The following ITGAE variants were observed in gnomAD, a reference collection of about 807,000 sequenced individuals.
ITGAE encodes the protein integrin alpha-E.
A neutral mutation model predicts 136.5 loss-of-function variants in ITGAE; 99 were observed. The observed-to-expected ratio is 0.73, with a 90% CI of 0.62 to 0.86. The LOEUF is 0.86. Ranked by LOEUF, ITGAE falls within the 40% of genes least tolerant of loss-of-function variation. The pLI is 0.00. For synonymous variants in ITGAE, 613 were observed against 591.8 expected (o/e 1.04, Z -0.52); for missense variants, 1,447 against 1,515.3 (o/e 0.95, Z 0.75).
At chr17:3,800,969 T>C (rs1256381538) in intron 1 of ITGAE, 142 bp downstream of exon 1, 11 of 974,862 alleles carry the variant, frequency 1.1e-5, no homozygotes, top group Non-Finnish European at 1.6e-5. Flanking sequence ...GCAAGACTCC[T>C]TTCCTGGAGG....
At chr17:3,747,556 G>C (rs765849611) in intron 17 of ITGAE, among the ~76,000 whole-genome samples, 39 of 151,888 alleles carry the variant, frequency 2.6e-4, no homozygotes, top group Admixed American at 1.1e-3. Context: ...TGATCTGCCC[G>C]CCTTGGCCTC....
chr17:3,744,815 T>C (rs905855545), intron 18 of ITGAE, among the ~76,000 whole-genome samples: 20 of 152,294 alleles, frequency 1.3e-4, no homozygotes, highest in African/African-American at 3.8e-4. Context: ...ATAAGGAGAT[T>C]GCTTAGCATA....
intron 1 of ITGAE, among the ~76,000 whole-genome samples, chr17:3,793,860 G>C (rs1273132525): frequency 6.6e-6 from 1 of 151,476 alleles, no homozygotes; most frequent in African/African-American, 2.4e-5. Flanking sequence ...TTGAGAATCT[G>C]ATGGAAGCAT....
Position 3,732,389 on chromosome 17 carries a change from G to A in ITGAE, c.2733C>T (p.His911=), listed in dbSNP as rs762803360. The A allele has an allele frequency of 6.2e-6, 10 of 1,614,052 alleles. No homozygotes were observed. The South Asian group carries it at 8.8e-5, about 14-fold the overall frequency. The change falls in exon 22 of 31, where the codon CAC becomes CAT. Residue 911 remains histidine, a synonymous_variant. Transcript: ENST00000263087. The part of the protein sequence containing the change: ...SVLIMNCRIG[H]PVLKRSSAHV... ...TCACAGATGACCTCTTGAGGACGGGGTGACCAATCCTGCAGTTCATGATCA... is the reference window on the plus strand; with the variant it reads ...TCACAGATGACCTCTTGAGGACGGGATGACCAATCCTGCAGTTCATGATCA...
intron 26 of ITGAE, 68 bp from the exon 27 acceptor site, chr17:3,723,812 C>G (rs954912908): frequency 5.1e-6 from 8 of 1,581,042 alleles, no homozygotes; most frequent in Non-Finnish European, 6.9e-6. Flanking sequence ...CCCGTCCCGG[C>G]CCCGGCCCTG....
intron 2 of ITGAE, among the ~76,000 whole-genome samples, chr17:3,776,732 T>C (rs1169933520): frequency 6.8e-6 from 1 of 147,072 alleles, no homozygotes; most frequent in Non-Finnish European, 1.5e-5. Context: ...CAGTTTTTGG[T>C]TTTTTTTGAG....
chr17:3,729,886 C>T (rs898239478), intron 23 of ITGAE, among the ~76,000 whole-genome samples: 1 of 152,148 alleles, frequency 6.6e-6, no homozygotes, highest in Admixed American at 6.6e-5. Flanking sequence ...TGAGCCACTG[C>T]GCCTGGCTAT....
intron 16 of ITGAE, among the ~76,000 whole-genome samples, chr17:3,749,059 C>A (rs1291581961): frequency 1.3e-5 from 2 of 152,170 alleles, no homozygotes; most frequent in African/African-American, 4.8e-5. Context: ...GAAGACAGTG[C>A]CTGCACTGGT....
intron 1 of ITGAE, among the ~76,000 whole-genome samples, chr17:3,788,784 A>AAAAATAATAATTATTAAAATAATTATTT (rs2052865205): frequency 7.3e-6 from 1 of 137,352 alleles, no homozygotes; most frequent in Non-Finnish European, 1.6e-5. Flanking sequence ...ATAATTATTT[A>AAAAATAATAATTATTAAAATAATTATTT]AAAATAATAA....
At chr17:3,760,441 T>TTA in intron 6 of ITGAE, among the ~76,000 whole-genome samples, 154 bp from the exon 7 acceptor site, 1 of 133,922 alleles carries the variant, frequency 7.5e-6, no homozygotes, top group South Asian at 2.7e-4. Flanking sequence ...TTTTTTTTTT[T>TTA]TTTTTTTTTT....
chr17:3,784,223 G>A (rs1049704713), intron 1 of ITGAE: 5 of 259,838 alleles, frequency 1.9e-5, no homozygotes, highest in Middle Eastern at 1.5e-3. Context: ...TTGCGCCACT[G>A]CACTCCCGCC....
Position 3,757,143 on chromosome 17 carries a change from A to T in ITGAE, c.1021-9T>A. ...TTAAATTCTTCTCCCACCTGCACAG[A>T]CAGCCTGGGTCAGCGAGTCAGCGCT... On this transcript the variant is annotated splice_polypyrimidine_tract_variant and intron_variant, in intron 9 of 30. Coordinates refer to ENST00000263087, the MANE Select transcript of ITGAE (RefSeq NM_002208.5). 6.2e-7 allele frequency: 1 copy of T among 1,613,486 alleles called. No individual in the cohort carries two copies. Among genetic ancestry groups the T allele is most frequent in the Non-Finnish European group, 8.5e-7 (1 of 1,179,634 alleles).
intron 1 of ITGAE, among the ~76,000 whole-genome samples, chr17:3,789,648 G>T (rs1339961269): frequency 3.3e-5 from 5 of 152,098 alleles, no homozygotes; most frequent in Admixed American, 2.6e-4. Context: ...TTGCAGGCAT[G>T]TGCCACCACA....
At chr17:3,771,288 C>T (rs192818552) in intron 2 of ITGAE, among the ~76,000 whole-genome samples, 4 of 152,136 alleles carry the variant, frequency 2.6e-5, no homozygotes, top group East Asian at 1.9e-4. Flanking sequence ...GAGAGGAGCC[C>T]GACGTAGCGG....
chr17:3,742,892 T>C (rs551651721), intron 19 of ITGAE, among the ~76,000 whole-genome samples: 45 of 152,324 alleles, frequency 3.0e-4, no homozygotes, highest in African/African-American at 1.1e-3. Context: ...CCTCAGGTGA[T>C]CCACCTGCCT....
rs748994424 is a variant in ITGAE at position 3,723,380 on chromosome 17, C to T, written c.3145G>A (p.Val1049Met). The stretch of plus-strand genomic sequence containing the variant: ...CAGCTCACTGAATGCCATTCTTCCA[C>T]ATGCTGGAAAAGCGAGGTCTAGTGA... ...RACAYSSVQHVEEWHSVSCVI... is the reference protein window; with the variant it reads ...RACAYSSVQHMEEWHSVSCVI... Residue 1049 changes from valine to methionine, a missense_variant, in exon 28 of 31, where the codon GTG (valine) becomes ATG (methionine). Physicochemically the swap from Val to Met is conservative, Grantham distance 21. Transcript: ENST00000263087. 8.7e-6 allele frequency: 14 copies of T among 1,611,298 alleles called. No homozygotes were observed. The South Asian group carries it at 1.1e-4, about 13-fold the overall frequency.
intron 1 of ITGAE, among the ~76,000 whole-genome samples, chr17:3,795,540 C>T (rs181797595): frequency 9.8e-5 from 15 of 152,340 alleles, no homozygotes; most frequent in Admixed American, 2.0e-4. Context: ...ATATTTGTGT[C>T]TGGGGCTCAG....
intron 1 of ITGAE, among the ~76,000 whole-genome samples, chr17:3,782,521 C>T (rs1343626683): frequency 6.6e-6 from 1 of 151,784 alleles, no homozygotes; most frequent in Non-Finnish European, 1.5e-5. Context: ...GTACACACCA[C>T]CACCCCCAGC....
At chr17:3,762,657 G>A (rs2052203433) in intron 3 of ITGAE, among the ~76,000 whole-genome samples, 1 of 148,878 alleles carries the variant, frequency 6.7e-6, no homozygotes, top group East Asian at 2.0e-4. Flanking sequence ...GAGTGCAGTG[G>A]CGCAATCTCG....
Sources: allele counts gnomAD v4.1 joint callset (sites outside exome capture counted in the v4.1 genomes callset), GRCh38; gene constraint gnomAD v4.1.1; transcripts MANE v1.5; gene names NCBI Gene and HGNC (gene_info 2026-07-23, HGNC 2026-07-21).